The following SFI1 variants were observed in gnomAD, a reference collection of about 807,000 sequenced individuals.
SFI1 encodes the protein protein SFI1 homolog.
A neutral mutation model predicts 207.5 loss-of-function variants in SFI1; 195 were observed. That is an observed-to-expected ratio of 0.94 (90% CI 0.84 to 1.06). The LOEUF is 1.06. Ranked by LOEUF, SFI1 falls within the 50% of genes least tolerant of loss-of-function variation. SFI1 has a pLI of 0.00. For missense variants in SFI1, 1,634 were observed against 1,588.0 expected (o/e 1.03, Z -0.49); for synonymous variants, 630 against 598.9 (o/e 1.05, Z -0.76).
At chr22:31,548,147 G>A (rs2060268974) in intron 5 of SFI1, among the ~76,000 whole-genome samples, 1 of 151,632 alleles carries the variant, frequency 6.6e-6, no homozygotes, top group Admixed American at 6.6e-5. Context: ...GTGAACCCAG[G>A]AGGTGGAGCT....
intron 17 of SFI1, 46 bp from the exon 18 acceptor site, chr22:31,603,698 T>C: frequency 4.1e-6 from 6 of 1,458,270 alleles, no homozygotes; most frequent in Non-Finnish European, 5.4e-6. Flanking sequence ...GAGGGTGCCC[T>C]CACTGGGTGG....
chr22:31,545,194 C>G (rs1157837811), intron 4 of SFI1, among the ~76,000 whole-genome samples: 2 of 152,002 alleles, frequency 1.3e-5, no homozygotes, highest in African/African-American at 2.4e-5. Context: ...TGGAGAAACC[C>G]CATCTCTACT....
intron 15 of SFI1, among the ~76,000 whole-genome samples, chr22:31,598,716 CTTTTTTTTTTTT>C (rs71184513): frequency 3.7e-5 from 1 of 26,882 alleles, no homozygotes; most frequent in African/African-American, 1.2e-4. Flanking sequence ...TGCGCCTGGC[CTTTTTTTTTTTT>C]TTTTTTTTTT....
chr22:31,606,021 A>G (rs2068908572), intron 20 of SFI1: 2 of 338,862 alleles, frequency 5.9e-6, no homozygotes, highest in East Asian at 5.6e-5. Context: ...CACTTCTCTT[A>G]TCACAGTGTG....
In SFI1 at chr22:31,589,568, G is replaced by A. The variant is rs201287795; in HGVS notation, c.1535G>A (p.Arg512His). 65 of 1,612,332 alleles carry A rather than the reference G, an allele frequency of 4.0e-5. No homozygotes were observed. In the East Asian group the frequency reaches 4.5e-4, roughly 11 times the overall value. Residue 512 changes from arginine to histidine, a missense_variant, in exon 15 of 33, where the codon CGT (arginine) becomes CAT (histidine). Arg to His is a conservative substitution (Grantham distance 29). Coordinates refer to ENST00000400288, the MANE Select transcript of SFI1 (RefSeq NM_001007467.3). ...QENVLSARAT[R>H]FHRETLEKQV... The stretch of plus-strand genomic sequence containing the variant: ...AATGTCCTCAGTGCAAGAGCAACAC[G>A]TTTCCACAGGTATGTTGCGCAGCTC...
chr22:31,543,752 G>C (rs1709574739), intron 4 of SFI1, among the ~76,000 whole-genome samples: 2 of 151,226 alleles, frequency 1.3e-5, no homozygotes, highest in African/African-American at 4.9e-5. Flanking sequence ...GGAGCTTGCA[G>C]TGAGCCAAGA....
chr22:31,581,253 A>G (rs2064137034), intron 12 of SFI1, among the ~76,000 whole-genome samples: 1 of 150,602 alleles, frequency 6.6e-6, no homozygotes, highest in South Asian at 2.1e-4. Context: ...TGCTGGGATT[A>G]CAGGTGTGAG....
chr22:31,617,230 T>C, intron 31 of SFI1, 152 bp downstream of exon 31: 1 of 751,436 alleles, frequency 1.3e-6, no homozygotes, highest in South Asian at 1.8e-5. Flanking sequence ...GCCCTCAGTG[T>C]GTGCTGTCCA....
chr22:31,546,314 A>ATTTGGTGTTTTTAATTTGGTGT (rs2060075141), intron 4 of SFI1, among the ~76,000 whole-genome samples: 1 of 151,460 alleles, frequency 6.6e-6, no homozygotes, highest in African/African-American at 2.4e-5. Context: ...TCTATTTTTA[A>ATTTGGTGTTTTTAATTTGGTGT]TCTATCTTGG....
At position 31,530,203 on chromosome 22, in the gene SFI1, A is replaced by AAAAAAAAAAAAAAAT. The variant is rs1569227870; in HGVS notation, c.267-855_267-854insAAAAAAAAAAAAAAT. On this transcript the variant is annotated intron_variant, in intron 3 of 32. Transcript: ENST00000400288. ...AAAAAAAAAAAAAAAAAAAAAAAAAAGACAAGGCCGGGCGCGGTGGCTCAC... is the reference window on the plus strand; with the variant it reads ...AAAAAAAAAAAAAAAAAAAAAAAAAAAAAAAAAAAAAAAATGACAAGGCCGGGCGCGGTGGCTCAC... Among the ~76,000 whole-genome samples, 2 of 127,812 alleles carry AAAAAAAAAAAAAAAT rather than the reference A, an allele frequency of 1.6e-5. 1 individual carries two copies. Among genetic ancestry groups the AAAAAAAAAAAAAAAT allele is most frequent in the African/African-American group, 6.1e-5 (2 of 33,010 alleles). 83.8% of individuals were successfully genotyped at this position (127,812 alleles called of 152,430 possible). A position where few individuals can be genotyped will look rare whatever the true frequency, so the allele number is the denominator to read the frequency against.
At chr22:31,546,833 T>C (rs1215257171) in intron 4 of SFI1, 28 bp from the exon 5 acceptor site, 2 of 1,426,576 alleles carry the variant, frequency 1.4e-6, no homozygotes, top group Non-Finnish European at 2.0e-6. Flanking sequence ...CATCATCATA[T>C]ATATATATGA....
At chr22:31,511,599 A>G (rs1474841295) in intron 2 of SFI1, among the ~76,000 whole-genome samples, 2 of 150,542 alleles carry the variant, frequency 1.3e-5, no homozygotes, top group Non-Finnish European at 2.9e-5. Flanking sequence ...GGTTTCTTCA[A>G]ATACCCTGCT....
At chr22:31,581,592 C>T (rs1173731010) in intron 12 of SFI1, among the ~76,000 whole-genome samples, 3 of 152,056 alleles carry the variant, frequency 2.0e-5, no homozygotes, top group African/African-American at 7.2e-5. Context: ...ATGCCCGGCC[C>T]CAATAGGAGG....
intron 4 of SFI1, among the ~76,000 whole-genome samples, chr22:31,533,307 T>A (rs2147464074): frequency 6.6e-6 from 1 of 152,244 alleles, no homozygotes; most frequent in Non-Finnish European, 1.5e-5. Flanking sequence ...ACAGGCGGAT[T>A]ACTTGAGGTC....
chr22:31,510,693 CAA>C (rs1458100773), intron 2 of SFI1, among the ~76,000 whole-genome samples: 2 of 152,164 alleles, frequency 1.3e-5, no homozygotes, highest in Non-Finnish European at 2.9e-5. Context: ...CTCGGCCTCC[CAA>C]AGTACTGGGA....
At chr22:31,596,932 C>T (rs934337252) in intron 15 of SFI1, among the ~76,000 whole-genome samples, 59 of 149,746 alleles carry the variant, frequency 3.9e-4, no homozygotes, top group African/African-American at 1.4e-3. Context: ...GTACCCGTTT[C>T]TAAATGGCTT....
chr22:31,500,442 A>C (rs903750989), intron 1 of SFI1, among the ~76,000 whole-genome samples: 4 of 152,120 alleles, frequency 2.6e-5, no homozygotes, highest in African/African-American at 9.7e-5. Flanking sequence ...ATTTTTTAGC[A>C]ATAAGGTGTT....
At chr22:31,616,211 G>C (rs1331986120) in intron 29 of SFI1, 1 of 152,380 alleles carries the variant, frequency 6.6e-6, no homozygotes, top group Non-Finnish European at 1.5e-5. Context: ...GGGACAGGAA[G>C]GAACCAGTTC....
chr22:31,561,499 G>A (rs1267426186), intron 8 of SFI1, 107 bp downstream of exon 8: 1 of 914,692 alleles, frequency 1.1e-6, no homozygotes, highest in Non-Finnish European at 1.6e-6. Flanking sequence ...CCTGAGAGGG[G>A]GTGGGGACAG....
Sources: gnomAD v4.1 joint callset for allele counts (sites outside exome capture counted in the v4.1 genomes callset) on GRCh38, gnomAD v4.1.1 for gene constraint, MANE v1.5 for transcripts, NCBI Gene and HGNC (gene_info 2026-07-23, HGNC 2026-07-21) for gene names.